The following SLC2A12 variants were observed in gnomAD, a reference collection of about 807,000 sequenced individuals.
The protein encoded by SLC2A12 is solute carrier family 2, facilitated glucose transporter member 12.
A neutral mutation model predicts 41.8 loss-of-function variants in SLC2A12; 23 were observed. That is an observed-to-expected ratio of 0.55 (90% CI 0.40 to 0.78). The LOEUF (loss-of-function observed/expected upper bound fraction) is 0.78, where lower values mean the gene tolerates loss of function less well. Among genes scored for constraint, SLC2A12 ranks in the 30% least tolerant of loss-of-function variants. The probability of loss-of-function intolerance (pLI) is 0.00; values close to 1 mark genes in which losing one functional copy is unlikely to be tolerated. For missense variants in SLC2A12, 654 were observed against 745.6 expected (o/e 0.88, Z 1.43); for synonymous variants, 295 against 285.9 (o/e 1.03, Z -0.32).
At chr6:134,001,066 T>C (rs898104230) in intron 4 of SLC2A12, among the ~76,000 whole-genome samples, 2 of 150,946 alleles carry the variant, frequency 1.3e-5, no homozygotes, top group Non-Finnish European at 2.9e-5. Flanking sequence ...AAAGAAAACC[T>C]GTTGGGGGGA....
At chr6:134,009,174 G>A (rs1428102961) in intron 2 of SLC2A12, 1 of 151,598 alleles carries the variant, frequency 6.6e-6, no homozygotes, top group Non-Finnish European at 1.5e-5. Context: ...TGAACTGCCA[G>A]GGGCTTGTCT....
At chr6:134,006,176 G>GAAAAAAAAAAAAAAAAAAAA (rs1182572567) in intron 3 of SLC2A12, among the ~76,000 whole-genome samples, 4 of 61,788 alleles carry the variant, frequency 6.5e-5, no homozygotes, top group Non-Finnish European at 1.3e-4. Context: ...GAGACTATCG[G>GAAAAAAAAAAAAAAAAAAAA]AAAAAAAAAA....
intron 4 of SLC2A12, among the ~76,000 whole-genome samples, chr6:133,996,722 T>A (rs1252935636): frequency 6.6e-6 from 1 of 152,208 alleles, no homozygotes; most frequent in East Asian, 1.9e-4. Flanking sequence ...GCAGTGTCCT[T>A]CCTCATTCTT....
intron 1 of SLC2A12, among the ~76,000 whole-genome samples, chr6:134,044,713 T>TAAAAA (rs35658583): frequency 9.9e-6 from 1 of 100,508 alleles, no homozygotes; most frequent in Admixed American, 1.2e-4. Flanking sequence ...AAACTCCGTC[T>TAAAAA]AAAAAAAAAA....
intron 4 of SLC2A12, among the ~76,000 whole-genome samples, chr6:133,997,219 T>A (rs1236244692): frequency 6.6e-6 from 1 of 151,670 alleles, no homozygotes; most frequent in Non-Finnish European, 1.5e-5. Context: ...CTCATGTCAC[T>A]GCACTCCAGC....
intron 1 of SLC2A12, among the ~76,000 whole-genome samples, chr6:134,032,500 ACTG>A (rs1777232434): frequency 1.1e-5 from 1 of 88,976 alleles, no homozygotes; most frequent in Non-Finnish European, 2.5e-5. Context: ...GTTCTGTTTC[ACTG>A]CTATATATAT....
chr6:134,011,385 G>A (rs1004155991), intron 2 of SLC2A12, among the ~76,000 whole-genome samples: 7 of 151,848 alleles, frequency 4.6e-5, no homozygotes, highest in African/African-American at 7.3e-5. Flanking sequence ...ACTTTGGGAG[G>A]TCGAGGCAGG....
chr6:133,994,482 C>G (rs1776659152), intron 4 of SLC2A12, among the ~76,000 whole-genome samples: 1 of 152,188 alleles, frequency 6.6e-6, no homozygotes, highest in Non-Finnish European at 1.5e-5. Flanking sequence ...AATCCCAGCA[C>G]TTTAGGAGGC....
chr6:134,035,347 G>T (rs1777282150), intron 1 of SLC2A12, among the ~76,000 whole-genome samples: 1 of 151,870 alleles, frequency 6.6e-6, no homozygotes, highest in South Asian at 2.1e-4. Context: ...AACCTAAAAA[G>T]GTCACTCTCT....
intron 3 of SLC2A12, among the ~76,000 whole-genome samples, chr6:134,004,109 C>T (rs1294967990): frequency 6.6e-6 from 1 of 152,176 alleles, no homozygotes; most frequent in Non-Finnish European, 1.5e-5. Context: ...TTCACTAGCT[C>T]CTCCAGTGTA....
At position 133,990,941 on chromosome 6, in the gene SLC2A12, AAG is replaced by A. The variant is rs3068195; in HGVS notation, c.*212_*213del. 0.018 allele frequency: 8,877 copies of A among 483,876 alleles called. 670 individuals carry two copies. The highest frequency in any genetic ancestry group is 0.16 in the African/African-American group (8,056 of 50,602). The allele number at this position is 483,876 out of a possible 1,614,324, so 30.0% of individuals were successfully genotyped here. ...TTTAACCTGATATCCTGCTCAGAAA[AAG>A]AGATCACTTAGGACCTTGTACCTCA... On this transcript the variant is annotated 3_prime_UTR_variant, in exon 5 of 5. Coordinates refer to ENST00000275230, the MANE Select transcript of SLC2A12 (RefSeq NM_145176.3).
At chr6:133,998,412 T>A (rs917652527) in intron 4 of SLC2A12, among the ~76,000 whole-genome samples, 1 of 152,254 alleles carries the variant, frequency 6.6e-6, no homozygotes, top group African/African-American at 2.4e-5. Context: ...TTGACTTTTT[T>A]AAGAGAGTAC....
chr6:133,991,033 G>A lies in SLC2A12; in HGVS notation c.*122C>T. On this transcript the variant is annotated 3_prime_UTR_variant, in exon 5 of 5. Transcript: ENST00000275230. ...AAGGCTGTCTTTATCATTTCAGAGT[G>A]TCTCTTCAAAACCAGTTCCATGACA... 8.7e-7 allele frequency: 1 copy of A among 1,151,374 alleles called. No individual in the cohort carries two copies. Among genetic ancestry groups the A allele is most frequent in the South Asian group, 1.9e-5 (1 of 53,134 alleles). The allele number at this position is 1,151,374 out of a possible 1,614,324, so 71.3% of individuals were successfully genotyped here. A position where few individuals can be genotyped will look rare whatever the true frequency, so the allele number is the denominator to read the frequency against.
chr6:134,038,521 C>T (rs1777336524), intron 1 of SLC2A12, among the ~76,000 whole-genome samples: 1 of 149,806 alleles, frequency 6.7e-6, no homozygotes. Context: ...GCCACCACAC[C>T]CCCTATTTTT....
rs755135137 is a variant in SLC2A12 at position 134,052,373 on chromosome 6, T to C, written c.103+5A>G. 5 of 1,610,900 alleles carry C rather than the reference T, an allele frequency of 3.1e-6. No homozygotes were observed. The highest frequency in any genetic ancestry group is 4.2e-6 in the Non-Finnish European group (5 of 1,179,712). ...GGTCACCCGAGCACTGCAGGCTCACTTTACCTCTCGCCCAGGGAGGATGCC... is the reference window on the plus strand; with the variant it reads ...GGTCACCCGAGCACTGCAGGCTCACCTTACCTCTCGCCCAGGGAGGATGCC... On this transcript the variant is annotated splice_donor_5th_base_variant and intron_variant, in intron 1 of 4. Coordinates refer to ENST00000275230, the MANE Select transcript of SLC2A12 (RefSeq NM_145176.3).
chr6:133,990,044 A>C lies in SLC2A12; in HGVS notation c.*1111T>G, dbSNP rs137986710. The C allele has an allele frequency of 2.6e-5, 4 of 152,660 alleles. No homozygotes were observed. In the Admixed American group the frequency reaches 2.6e-4, roughly 10 times the overall value. The allele number at this position is 152,660 out of a possible 1,614,324, so 9.5% of individuals were successfully genotyped here. A position where few individuals can be genotyped will look rare whatever the true frequency, so the allele number is the denominator to read the frequency against. ...ACCTCTTAACAAGTCTTTAAAATCA[A>C]CTGGAGAAGTAAGAGAACAGTTCAT... On this transcript the variant is annotated 3_prime_UTR_variant, in exon 5 of 5. Transcript: ENST00000275230.
At chr6:134,036,417 G>A (rs1360687529) in intron 1 of SLC2A12, among the ~76,000 whole-genome samples, 6 of 152,160 alleles carry the variant, frequency 3.9e-5, no homozygotes, top group Non-Finnish European at 8.8e-5. Context: ...CCACTTCTCA[G>A]TCCTCAGCAT....
At chr6:134,043,982 T>C (rs1272043997) in intron 1 of SLC2A12, among the ~76,000 whole-genome samples, 1 of 152,116 alleles carries the variant, frequency 6.6e-6, no homozygotes, top group African/African-American at 2.4e-5. Context: ...TTGAACTCTG[T>C]GCTCCCAGAA....
chr6:134,024,732 G>A (rs1275947757), intron 2 of SLC2A12, among the ~76,000 whole-genome samples: 1 of 152,156 alleles, frequency 6.6e-6, no homozygotes, highest in African/African-American at 2.4e-5. Context: ...TTATATAAAT[G>A]GTCATCATGA....
Sources: allele counts gnomAD v4.1 joint callset (sites outside exome capture counted in the v4.1 genomes callset), GRCh38; gene constraint gnomAD v4.1.1; transcripts MANE v1.5; gene names NCBI Gene and HGNC (gene_info 2026-07-23, HGNC 2026-07-21).